The following NHERF4 variants were observed in gnomAD, a reference collection of about 807,000 sequenced individuals.
NHERF4 encodes NHERF family PDZ scaffold protein 4.
At chr11:119,187,183 T>C in the NHERF4 span, 1 of 1,097,260 alleles carries the variant, frequency 9.1e-7, no homozygotes, top group Non-Finnish European at 1.2e-6. Flanking sequence ...GCCGATTCCC[T>C]TGGCAAAAAA....
the NHERF4 span, chr11:119,189,243 C>G: frequency 1.9e-6 from 3 of 1,576,876 alleles, no homozygotes; most frequent in African/African-American, 4.0e-5. The surrounding 1 kb of genome is among the most constrained non-coding windows in gnomAD (Gnocchi z 5.8). Context: ...TGAGTAGCTA[C>G]AGAGGGCAGG....
the NHERF4 span, chr11:119,188,349 C>A: frequency 6.2e-7 from 1 of 1,613,694 alleles, no homozygotes; most frequent in Non-Finnish European, 8.5e-7. Flanking sequence ...GATGTCTATG[C>A]CCCAGGACAG....
At chr11:119,188,989 G>GC in the NHERF4 span, 47 of 1,613,846 alleles carry the variant, frequency 2.9e-5, no homozygotes, top group Admixed American at 1.0e-4. Flanking sequence ...TGTTCTGCAT[G>GC]CCCCCACAAC....
chr11:119,187,021 C>T, the NHERF4 span, among the ~76,000 whole-genome samples: 5 of 152,078 alleles, frequency 3.3e-5, no homozygotes, highest in Non-Finnish European at 7.4e-5. Context: ...CGCCTGTAAT[C>T]CCAGCTACTC....
At chr11:119,185,964 G>T in the NHERF4 span, 2 of 1,614,000 alleles carry the variant, frequency 1.2e-6, no homozygotes, top group African/African-American at 2.7e-5. Context: ...TAAGTGCCAC[G>T]AGGGTTGGGG....
chr11:119,186,512 T>A, the NHERF4 span: 1 of 1,614,042 alleles, frequency 6.2e-7, no homozygotes, highest in Non-Finnish European at 8.5e-7. This position sits in a 1 kb window ranked among gnomAD's most constrained non-coding sequence, Gnocchi z 4.4. Flanking sequence ...CGCTTCTGTT[T>A]ACTGAGCAAA....
At chr11:119,187,164 A>C in the NHERF4 span, 1 of 913,654 alleles carries the variant, frequency 1.1e-6, no homozygotes, top group Non-Finnish European at 1.6e-6. Context: ...AAAAAGAAAA[A>C]GAAAAAAAGC....
the NHERF4 span, chr11:119,189,437 A>G: frequency 1.2e-6 from 2 of 1,613,374 alleles, no homozygotes; most frequent in Non-Finnish European, 1.7e-6. The surrounding 1 kb of genome is among the most constrained non-coding windows in gnomAD (Gnocchi z 5.8). Context: ...ACCTGGAATG[A>G]CCTTCTACCT....
the NHERF4 span, chr11:119,188,294 T>C: frequency 1.2e-6 from 2 of 1,602,452 alleles, no homozygotes. Flanking sequence ...GTCAGTCCCC[T>C]GGTGTGTACA....
At chr11:119,186,572 C>T in the NHERF4 span, 2 of 1,614,186 alleles carry the variant, frequency 1.2e-6, no homozygotes, top group Non-Finnish European at 1.7e-6. This position sits in a 1 kb window ranked among gnomAD's most constrained non-coding sequence, Gnocchi z 4.4. Context: ...CTGGGCAGGG[C>T]TGGGCATGTG....
the NHERF4 span, chr11:119,187,198 G>T: frequency 8.3e-7 from 1 of 1,207,900 alleles, no homozygotes; most frequent in Non-Finnish European, 1.1e-6. Context: ...AAAAAAATGT[G>T]GATTCCAGGG....
chr11:119,188,669 G>A, the NHERF4 span: 1 of 1,614,154 alleles, frequency 6.2e-7, no homozygotes, highest in Non-Finnish European at 8.5e-7. Context: ...TCTTCTTGGA[G>A]AACACAGAGG....
the NHERF4 span, chr11:119,185,551 C>A: frequency 6.3e-7 from 1 of 1,595,926 alleles, no homozygotes; most frequent in Non-Finnish European, 8.6e-7. Context: ...GACTTTGGGA[C>A]AGGCAGGGGG....
the NHERF4 span, chr11:119,188,964 T>C: frequency 8.7e-6 from 14 of 1,613,134 alleles, no homozygotes; most frequent in South Asian, 2.2e-5. Flanking sequence ...CAGCAAACTT[T>C]CCCCCGGTGT....
chr11:119,186,351 C>A, the NHERF4 span: 1 of 1,555,274 alleles, frequency 6.4e-7, no homozygotes, highest in Non-Finnish European at 8.8e-7. This position sits in a 1 kb window ranked among gnomAD's most constrained non-coding sequence, Gnocchi z 4.4. Flanking sequence ...ACCCCACCAC[C>A]CAACACCCAA....
the NHERF4 span, chr11:119,187,731 C>T: frequency 4.1e-6 from 6 of 1,477,002 alleles, no homozygotes; most frequent in South Asian, 8.5e-5. Context: ...CTCTCCTCCC[C>T]CAATCCGGGC....
chr11:119,187,733 A>C, the NHERF4 span: 1 of 1,476,778 alleles, frequency 6.8e-7, no homozygotes, highest in Non-Finnish European at 9.0e-7. Flanking sequence ...CTCCTCCCCC[A>C]ATCCGGGCCT....
At chr11:119,185,627 A>G in the NHERF4 span, 9 of 988,472 alleles carry the variant, frequency 9.1e-6, no homozygotes, top group Non-Finnish European at 1.4e-5. Flanking sequence ...GCCCTGAGGC[A>G]GGTAAACAAG....
the NHERF4 span, chr11:119,188,622 C>T: frequency 6.2e-7 from 1 of 1,613,398 alleles, no homozygotes. Flanking sequence ...AAGATTTGCT[C>T]TCCCTGCCAC....
Sources: allele counts gnomAD v4.1 joint callset (sites outside exome capture counted in the v4.1 genomes callset), GRCh38; gene constraint gnomAD v4.1.1; non-coding constraint Gnocchi (gnomAD v3.1); transcripts MANE v1.5; gene names NCBI Gene and HGNC (gene_info 2026-07-23, HGNC 2026-07-21).